FGF14: variants seen among roughly 807,000 people sequenced by gnomAD.
The protein encoded by FGF14 is fibroblast growth factor 14.
FGF14 carries 5 observed loss-of-function variants against 25.5 expected under a neutral mutation model. That is an observed-to-expected ratio of 0.20 (90% CI 0.10 to 0.41). FGF14 has a LOEUF of 0.41. Among genes scored for constraint, FGF14 ranks in the 10% least tolerant of loss-of-function variants. The probability of loss-of-function intolerance (pLI) is 1.00; values close to 1 mark genes in which losing one functional copy is unlikely to be tolerated. For synonymous variants in FGF14, 138 were observed against 118.3 expected, an observed-to-expected ratio of 1.17 and a Z score of -1.08; for missense variants, 222 against 320.1, an observed-to-expected ratio of 0.69 and a Z score of 2.34.
At chr13:102,222,078 C>T (rs1353921817) in intron 1 of FGF14, among the ~76,000 whole-genome samples, 1 of 152,104 alleles carries the variant, frequency 6.6e-6, no homozygotes, top group African/African-American at 2.4e-5. Context: ...TCCTCCTTAC[C>T]CCATACAGTC....
At chr13:102,191,187 G>A (rs889821162) in intron 1 of FGF14, among the ~76,000 whole-genome samples, 2 of 152,192 alleles carry the variant, frequency 1.3e-5, no homozygotes, top group African/African-American at 2.4e-5. Flanking sequence ...ACCATCCATG[G>A]TAATTGCTTA....
At chr13:102,185,632 A>C (rs75314166) in intron 1 of FGF14, among the ~76,000 whole-genome samples, 3,925 of 152,326 alleles carry the variant, frequency 0.026, 72 homozygotes, top group Non-Finnish European at 0.04. Context: ...CACCTTCTCT[A>C]GATAAATTTA....
chr13:102,372,781 A>T (rs1474328881), intron 1 of FGF14, among the ~76,000 whole-genome samples: 1 of 152,136 alleles, frequency 6.6e-6, no homozygotes, highest in Non-Finnish European at 1.5e-5. Flanking sequence ...CTGCCCAGCA[A>T]TGCTGGTATT....
chr13:101,742,221 G>C (rs960838847), intron 3 of FGF14, among the ~76,000 whole-genome samples: 12 of 152,118 alleles, frequency 7.9e-5, no homozygotes, highest in Admixed American at 5.2e-4. Flanking sequence ...TGCATGCAGG[G>C]CTTAAAACCT....
intron 1 of FGF14, among the ~76,000 whole-genome samples, chr13:101,930,576 T>G (rs927898633): frequency 6.6e-6 from 1 of 152,126 alleles, no homozygotes; most frequent in Non-Finnish European, 1.5e-5. Context: ...AGTTGCAAAG[T>G]TTTTTCCATC....
chr13:102,374,647 TATATATATATATATATA>T (rs2057987383), intron 1 of FGF14, among the ~76,000 whole-genome samples: 8 of 1,454 alleles, frequency 5.5e-3, no homozygotes, highest in African/African-American at 0.02. Flanking sequence ...ACATATTTTA[TATATATATATATATATA>T]TATATATATA....
At position 102,041,535 on chromosome 13, in the gene FGF14, AAAAAC is replaced by A. The variant is rs199978648; in HGVS notation, c.209-166244_209-166240del. 8.3e-5 allele frequency among the ~76,000 whole-genome samples: 11 copies of A among 132,356 alleles called. No individual in the cohort carries two copies. In the East Asian group the frequency reaches 3.4e-3, roughly 40 times the overall value. 86.8% of individuals were successfully genotyped at this position (132,356 alleles called of 152,430 possible). On this transcript the variant is annotated intron_variant, in intron 1 of 4. Coordinates refer to the FGF14 transcript ENST00000376131. ...ATGGTAAGTGAATTCCTTAAAAAAA[AAAAAC>A]AGTGTATGTTAAGCCATGCAAAAAT...
At chr13:101,727,421 A>G (rs745805374) in intron 3 of FGF14, among the ~76,000 whole-genome samples, 2 of 152,116 alleles carry the variant, frequency 1.3e-5, no homozygotes. Context: ...AAATAATTCA[A>G]TGGGGCTCCA....
rs1335768295 is a variant in FGF14 at position 101,712,768 on chromosome 13, A to G, written c.*10063T>C. ...TGTTAAACAAGCAGTAGAGTGCTGT[A>G]CATTTTTTTATGCCTAGAAATGTGA... On this transcript the variant is annotated 3_prime_UTR_variant, in exon 5 of 5. Coordinates refer to ENST00000376143, the MANE Select transcript of FGF14 (RefSeq NM_004115.4). The G allele has an allele frequency of 6.6e-6, 1 of 152,208 alleles. No homozygotes were observed. Among genetic ancestry groups the G allele is most frequent in the Non-Finnish European group, 1.5e-5 (1 of 68,036 alleles). The allele number at this position is 152,208 out of a possible 1,614,324, so 9.4% of individuals were successfully genotyped here.
At chr13:101,922,279 C>T (rs1385549537) in intron 1 of FGF14, among the ~76,000 whole-genome samples, 2 of 152,174 alleles carry the variant, frequency 1.3e-5, no homozygotes, top group African/African-American at 4.8e-5. Context: ...CTGGATTACA[C>T]ACAATCTCAA....
rs1395929604 is a variant in FGF14, at chr13:101,718,237, T to C, written c.*4594A>G. The C allele has an allele frequency of 6.6e-6, 1 of 152,156 alleles. No individual in the cohort carries two copies. Among genetic ancestry groups the C allele is most frequent in the Non-Finnish European group, 1.5e-5 (1 of 68,010 alleles). 9.4% of individuals were successfully genotyped at this position (152,156 alleles called of 1,614,324 possible). A position where few individuals can be genotyped will look rare whatever the true frequency, so the allele number is the denominator to read the frequency against. Reference sequence around the variant, plus strand: ...CTATGTTTGTGTGTATGTGTGTGTTTGTGTGTGTATGTGTGGTTTTGATGC... The same window carrying C: ...CTATGTTTGTGTGTATGTGTGTGTTCGTGTGTGTATGTGTGGTTTTGATGC... On this transcript the variant is annotated 3_prime_UTR_variant, in exon 5 of 5. Transcript: ENST00000376143.
intron 1 of FGF14, among the ~76,000 whole-genome samples, chr13:102,028,326 G>A (rs2041035136): frequency 6.6e-6 from 1 of 152,026 alleles, no homozygotes. Context: ...GCACTGGACT[G>A]GGCCTTTACA....
intron 1 of FGF14, among the ~76,000 whole-genome samples, chr13:101,985,085 T>G (rs996067045): frequency 1.3e-5 from 2 of 151,144 alleles, no homozygotes; most frequent in East Asian, 1.9e-4. Context: ...TTTTTGTTTT[T>G]TTTTTTTTTG....
At chr13:101,744,343 G>C (rs148146535) in intron 3 of FGF14, among the ~76,000 whole-genome samples, 2 of 151,874 alleles carry the variant, frequency 1.3e-5, no homozygotes, top group East Asian at 1.9e-4. Context: ...TACAACTCTC[G>C]GGGACAAAGT....
chr13:102,165,775 C>G (rs972154410), intron 1 of FGF14, among the ~76,000 whole-genome samples: 2 of 149,866 alleles, frequency 1.3e-5, no homozygotes, highest in South Asian at 4.3e-4. Context: ...GTAACCTACA[C>G]GTTGTGCACA....
intron 3 of FGF14, among the ~76,000 whole-genome samples, chr13:101,780,401 T>C (rs757424620): frequency 7.2e-5 from 11 of 152,190 alleles, no homozygotes; most frequent in Admixed American, 6.5e-5. Flanking sequence ...AATCACCATA[T>C]GCTCTAACTT....
intron 3 of FGF14, among the ~76,000 whole-genome samples, chr13:101,835,972 A>C (rs571809422): frequency 1.3e-5 from 2 of 152,186 alleles, no homozygotes; most frequent in Non-Finnish European, 2.9e-5. Flanking sequence ...GTTGGGAGCC[A>C]GTTGTACTTT....
intron 1 of FGF14, among the ~76,000 whole-genome samples, chr13:102,346,402 G>A (rs1451675935): frequency 1.3e-5 from 2 of 151,904 alleles, no homozygotes; most frequent in African/African-American, 4.8e-5. Context: ...CCCATCCCAG[G>A]TCATATAATT....
chr13:101,785,731 T>G lies in FGF14; in HGVS notation c.409-58921A>C, dbSNP rs1030098075. ...GTATTATATGTGTTCAGAGGGTTTT[T>G]TTCCTCCTTTCATAAATCATTTTTG... is the stretch of plus-strand genomic sequence containing the variant. On this transcript the variant is annotated intron_variant, in intron 3 of 4. Coordinates refer to ENST00000376143, the MANE Select transcript of FGF14 (RefSeq NM_004115.4). Among the ~76,000 whole-genome samples, 3 of 152,298 alleles carry G rather than the reference T, an allele frequency of 2.0e-5. No homozygotes were observed. In the South Asian group the frequency reaches 6.2e-4, roughly 32 times the overall value.
Sources: gnomAD v4.1 joint callset for allele counts (sites outside exome capture counted in the v4.1 genomes callset) on GRCh38, gnomAD v4.1.1 for gene constraint, MANE v1.5 for transcripts, NCBI Gene and HGNC (gene_info 2026-07-23, HGNC 2026-07-21) for gene names.